MEPCE: variants seen among roughly 807,000 people sequenced by gnomAD.
MEPCE encodes 7SK snRNA methylphosphate capping enzyme.
MEPCE carries 9 observed loss-of-function variants against 52.3 expected under a neutral mutation model. The ratio of observed to expected loss-of-function variants is 0.17; its 90% CI spans 0.10 to 0.30. The LOEUF (loss-of-function observed/expected upper bound fraction) is 0.30, where lower values mean the gene tolerates loss of function less well. Among genes scored for constraint, MEPCE ranks in the 10% least tolerant of loss-of-function variants. MEPCE has a pLI of 1.00. For missense variants in MEPCE, 826 were observed against 933.0 expected, an observed-to-expected ratio of 0.89 and a Z score of 1.49; for synonymous variants, 477 against 401.6, an observed-to-expected ratio of 1.19 and a Z score of -2.25.
rs1798580701 is a variant in MEPCE, at chr7:100,430,196, T to C, written c.178T>C (p.Ser60Pro). 7.7e-7 allele frequency: 1 copy of C among 1,306,394 alleles called. No homozygotes were observed. The highest frequency in any genetic ancestry group is 4.0e-5 in the Admixed American group (1 of 24,992). 80.9% of individuals were successfully genotyped at this position (1,306,394 alleles called of 1,614,324 possible). A position where few individuals can be genotyped will look rare whatever the true frequency, so the allele number is the denominator to read the frequency against. ...GPGRCAPSAG[S>P]PAAAVGRESP... is the part of the protein sequence containing the mutation. ...GGGTCGTTGCGCGCCATCTGCGGGGTCCCCAGCCGCTGCGGTCGGTCGGGA... is the reference window on the plus strand; with the variant it reads ...GGGTCGTTGCGCGCCATCTGCGGGGCCCCCAGCCGCTGCGGTCGGTCGGGA... The change falls in exon 1 of 4, where the codon TCC becomes CCC. Residue 60 changes from serine (S) to proline (P), a missense_variant. Physicochemically the swap from Ser to Pro is moderately conservative, Grantham distance 74. Around this residue, in one of 7 missense-constraint regions of MEPCE, gnomAD observed 314 missense variants for 277.7 expected, o/e 1.13. Transcript: ENST00000310512.
At chr7:100,432,826 G>T in intron 1 of MEPCE, 93 bp from the exon 2 acceptor site, 1 of 1,144,790 alleles carries the variant, frequency 8.7e-7, no homozygotes, top group South Asian at 1.3e-5. Flanking sequence ...CTAAAGTGAG[G>T]CCGCGGGACT....
chr7:100,431,539 G>A lies in MEPCE; in HGVS notation c.1521G>A (p.Gly507=), dbSNP rs542351493. ...LPPQTLEGDP[G]AEGEEGTTTV... Reference sequence around the variant, plus strand: ...CCCAGACTTTGGAAGGGGACCCGGGGGCAGAGGGTGAGGAAGGGACCACCA... The same window carrying A: ...CCCAGACTTTGGAAGGGGACCCGGGAGCAGAGGGTGAGGAAGGGACCACCA... The change falls in exon 1 of 4, where the codon GGG becomes GGA. Residue 507 remains glycine, a synonymous_variant. Transcript: ENST00000310512. 5 of 1,612,964 alleles carry A rather than the reference G, an allele frequency of 3.1e-6. No homozygotes were observed. The African/African-American group carries it at 6.7e-5, about 21-fold the overall frequency.
chr7:100,430,110 C>T lies in MEPCE; in HGVS notation c.92C>T (p.Thr31Met). ...KDESGGGGGP[T>M]VPPHQEAASG... ...GAGTCGGGCGGAGGGGGCGGCCCCA[C>T]GGTGCCACCGCACCAAGAGGCCGCC... is the stretch of plus-strand genomic sequence containing the variant. Residue 31 changes from threonine to methionine, a missense_variant, in exon 1 of 4, where the codon ACG becomes ATG. Physicochemically the swap from Thr to Met is moderately conservative, Grantham distance 81 (BLOSUM62 -1). This residue lies in a region of MEPCE where 314 missense variants were observed against 277.7 expected (regional missense o/e 1.13). Coordinates refer to ENST00000310512, the MANE Select transcript of MEPCE (RefSeq NM_019606.6). 7.9e-7 allele frequency: 1 copy of T among 1,261,332 alleles called. No individual in the cohort carries two copies. Among genetic ancestry groups the T allele is most frequent in the Non-Finnish European group, 1.0e-6 (1 of 1,003,294 alleles). 78.1% of individuals were successfully genotyped at this position (1,261,332 alleles called of 1,614,324 possible).
rs1240937727 is a variant in MEPCE at position 100,433,877 on chromosome 7, C to T, written c.*323C>T. ...GGATATCAAATTCTCTAGCCCTTTC[C>T]TCCTATTCTCCCAAGGAGAGAGATT... On this transcript the variant is annotated 3_prime_UTR_variant, in exon 4 of 4. Coordinates refer to ENST00000310512, the MANE Select transcript of MEPCE (RefSeq NM_019606.6). 1.3e-5 allele frequency: 4 copies of T among 308,626 alleles called. No homozygotes were observed. Among genetic ancestry groups the T allele is most frequent in the Non-Finnish European group, 2.4e-5 (4 of 166,588 alleles). 19.1% of individuals were successfully genotyped at this position (308,626 alleles called of 1,614,324 possible).
At position 100,433,319 on chromosome 7, in the gene MEPCE, C is replaced by G. The variant is rs557179505; in HGVS notation, c.1947C>G (p.Ser649=). Residue 649 remains serine (S), a synonymous_variant, in exon 3 of 4, where the codon TCC becomes TCG. Transcript: ENST00000310512. ...RIQLKPEQFS[S]YLTSPDVGFS... ...AATTGAAGCCAGAGCAGTTCAGTTC[C>G]TACCTGACATCCCCAGACGTGGGCT... 6.2e-7 allele frequency: 1 copy of G among 1,614,204 alleles called. No homozygotes were observed. Among genetic ancestry groups the G allele is most frequent in the South Asian group, 1.1e-5 (1 of 91,088 alleles).
rs1232453667 is a variant in MEPCE, at chr7:100,431,228, G to T, written c.1210G>T (p.Ala404Ser). ...RHHHHHPLPA[A>S]GFKKQQRKFQ... ...CCACCACCACCACCCACTGCCTGCA[G>T]CAGGCTTCAAAAAGCAACAGCGCAA... Residue 404 changes from alanine (A) to serine (S), a missense_variant, in exon 1 of 4, where the codon GCA (alanine) becomes TCA (serine). Ala to Ser is a moderately conservative substitution (Grantham distance 99, BLOSUM62 1). Transcript: ENST00000310512. 2 of 1,614,070 alleles carry T rather than the reference G, an allele frequency of 1.2e-6. No individual in the cohort carries two copies. Among genetic ancestry groups the T allele is most frequent in the Non-Finnish European group, 1.7e-6 (2 of 1,180,028 alleles).
rs1483165911 is a variant in MEPCE, at chr7:100,430,248, C to T, written c.230C>T (p.Ser77Phe). 2.2e-6 allele frequency: 3 copies of T among 1,362,136 alleles called. No homozygotes were observed. Among genetic ancestry groups the T allele is most frequent in the African/African-American group, 1.5e-5 (1 of 65,454 alleles). 84.4% of individuals were successfully genotyped at this position (1,362,136 alleles called of 1,614,324 possible). ...RESPGAAATS[S>F]SGPQAQQHRG... is the part of the protein sequence containing the mutation. Reference sequence around the variant, plus strand: ...AGCCCCGGGGCCGCGGCCACCTCCTCCAGTGGTCCCCAGGCGCAGCAGCAC... The same window carrying T: ...AGCCCCGGGGCCGCGGCCACCTCCTTCAGTGGTCCCCAGGCGCAGCAGCAC... The change falls in exon 1 of 4, where the codon TCC (serine) becomes TTC (phenylalanine). Residue 77 changes from serine (S) to phenylalanine (F), a missense_variant. Ser to Phe is a radical substitution (Grantham distance 155, BLOSUM62 -2). This residue lies in a region of MEPCE where 314 missense variants were observed against 277.7 expected (regional missense o/e 1.13). Coordinates refer to ENST00000310512, the MANE Select transcript of MEPCE (RefSeq NM_019606.6).
In MEPCE at chr7:100,429,956, C is replaced by T. The variant is rs1302661003; in HGVS notation, c.-63C>T. 1.7e-6 allele frequency: 2 copies of T among 1,153,698 alleles called. No individual in the cohort carries two copies. The highest frequency in any genetic ancestry group is 2.2e-6 in the Non-Finnish European group (2 of 914,156). The allele number at this position is 1,153,698 out of a possible 1,614,324, so 71.5% of individuals were successfully genotyped here. A position where few individuals can be genotyped will look rare whatever the true frequency, so the allele number is the denominator to read the frequency against. The stretch of plus-strand genomic sequence containing the variant: ...AGGGGGGAAGGGAGCAGGGTCCAGG[C>T]AGGGGGGGTTAGGCCCCCTGATCCC... On this transcript the variant is annotated 5_prime_UTR_variant, in exon 1 of 4. Coordinates refer to ENST00000310512, the MANE Select transcript of MEPCE (RefSeq NM_019606.6).
chr7:100,431,930 CTT>C (rs1218722168), intron 1 of MEPCE, among the ~76,000 whole-genome samples: 2 of 152,166 alleles, frequency 1.3e-5, no homozygotes, highest in African/African-American at 4.8e-5. Flanking sequence ...GGAGGACTCT[CTT>C]TTTGCTCTGC....
intron 2 of MEPCE, 24 bp from the exon 3 acceptor site, chr7:100,433,239 G>A: frequency 6.2e-7 from 1 of 1,614,114 alleles, no homozygotes. Context: ...GCGTGCTGAA[G>A]TGGTCCCTTG....
rs6962151 is a variant in MEPCE, at chr7:100,430,861, T to C, written c.843T>C (p.Ser281=). 0.19 allele frequency: 304,183 copies of C among 1,607,986 alleles called. 30,343 individuals carry two copies. Among genetic ancestry groups the C allele is most frequent in the African/African-American group, 0.28 (20,814 of 74,708 alleles). ...AGCAGGCAGCCGGAGGGAGTGAGAGTCACCCCGTGCCGCCCACAGCCCCTC... is the reference window on the plus strand; with the variant it reads ...AGCAGGCAGCCGGAGGGAGTGAGAGCCACCCCGTGCCGCCCACAGCCCCTC... The part of the protein sequence containing the change: ...QQQQAAGGSE[S]HPVPPTAPLT... The change falls in exon 1 of 4, where the codon AGT becomes AGC. Residue 281 remains serine, a synonymous_variant. Transcript: ENST00000310512.
At position 100,433,574 on chromosome 7, in the gene MEPCE, G is replaced by T. The variant is rs753611458; in HGVS notation, c.*20G>T. On this transcript the variant is annotated 3_prime_UTR_variant, in exon 4 of 4. Transcript: ENST00000310512. ...CACTAAGTGGCCCCCTAAACAGAAAGTGTGAAGAGGCTGCCCTCGCTGCTC... is the reference window on the plus strand; with the variant it reads ...CACTAAGTGGCCCCCTAAACAGAAATTGTGAAGAGGCTGCCCTCGCTGCTC... 1.2e-6 allele frequency: 2 copies of T among 1,611,584 alleles called. No homozygotes were observed. Among genetic ancestry groups the T allele is most frequent in the South Asian group, 2.2e-5 (2 of 90,952 alleles).
chr7:100,428,900 C>T (rs966427860), upstream of MEPCE: 1 of 152,344 alleles, frequency 6.6e-6, no homozygotes, highest in Admixed American at 6.5e-5. Flanking sequence ...GGTGTGGCGT[C>T]TCCAGGTGAT....
intron 1 of MEPCE, among the ~76,000 whole-genome samples, 174 bp downstream of exon 1, chr7:100,431,863 C>T (rs1798724071): frequency 6.6e-6 from 1 of 152,198 alleles, no homozygotes; most frequent in South Asian, 2.1e-4. Flanking sequence ...GGGGTGTCTA[C>T]CTTGGGGCAT....
rs1166317722 is a variant in MEPCE, at chr7:100,430,441, A to C, written c.423A>C (p.Pro141=). 1.9e-5 allele frequency: 30 copies of C among 1,556,806 alleles called. No individual in the cohort carries two copies. Among genetic ancestry groups the C allele is most frequent in the Non-Finnish European group, 2.6e-5 (30 of 1,154,258 alleles). ...RPRNGYQPHR[P]PGGGGGKRRN... ...GCAATGGCTATCAGCCCCACCGGCC[A>C]CCTGGGGGGGGCGGGGGCAAGAGGA... Residue 141 remains proline, a synonymous_variant, in exon 1 of 4, where the codon CCA becomes CCC. Coordinates refer to ENST00000310512, the MANE Select transcript of MEPCE (RefSeq NM_019606.6).
chr7:100,430,331 G>A lies in MEPCE; in HGVS notation c.313G>A (p.Gly105Arg), dbSNP rs1433995501. The change falls in exon 1 of 4, where the codon GGG becomes AGG. Residue 105 changes from glycine to arginine, a missense_variant. This residue lies in a region of MEPCE where 314 missense variants were observed against 277.7 expected (regional missense o/e 1.13). Coordinates refer to ENST00000310512, the MANE Select transcript of MEPCE (RefSeq NM_019606.6). ...GGAGGCCCGCCTGTCGGATCCCCCG[G>A]GGCGAGCCGCTCCCCCGGACGTGGG... ...HGEARLSDPP[G>R]RAAPPDVGEE... 1.9e-5 allele frequency: 27 copies of A among 1,425,042 alleles called. No homozygotes were observed. The highest frequency in any genetic ancestry group is 2.3e-5 in the Non-Finnish European group (25 of 1,092,780). The allele number at this position is 1,425,042 out of a possible 1,614,324, so 88.3% of individuals were successfully genotyped here.
rs1798784877 is a variant in MEPCE, at chr7:100,433,529, A to G, written c.2045A>G (p.His682Arg). Residue 682 changes from histidine to arginine, a missense_variant, in exon 4 of 4, where the codon CAC (histidine) becomes CGC (arginine). His to Arg is a conservative substitution (Grantham distance 29). Transcript: ENST00000310512. ...TTCCAGCGTCCTGTGTACCTGTTCC[A>G]CAAGGCCCGATCCCCCAGCCACTAA... ...KGFQRPVYLF[H>R]KARSPSH is the part of the protein sequence containing the mutation. 1 of 1,613,424 alleles carries G rather than the reference A, an allele frequency of 6.2e-7. No homozygotes were observed. The highest frequency in any genetic ancestry group is 1.3e-5 in the African/African-American group (1 of 74,978).
upstream of MEPCE, chr7:100,429,632 T>G: frequency 1.1e-5 from 2 of 177,082 alleles, no homozygotes; most frequent in East Asian, 2.8e-4. Flanking sequence ...GGGGGTTATA[T>G]TTAAACTCCC....
rs1798762737 is a variant in MEPCE, at chr7:100,432,910, T to G, written c.1672-9T>G. 2 of 1,613,456 alleles carry G rather than the reference T, an allele frequency of 1.2e-6. No individual in the cohort carries two copies. Among genetic ancestry groups the G allele is most frequent in the Middle Eastern group, 1.7e-4 (1 of 6,060 alleles). ...CTCAGTTGACCTCACTGCCGATTCT[T>G]GCCCTCAGGGTAATTATGTGCTGGA... is the stretch of plus-strand genomic sequence containing the variant. On this transcript the variant is annotated splice_polypyrimidine_tract_variant and intron_variant, in intron 1 of 3. Coordinates refer to ENST00000310512, the MANE Select transcript of MEPCE (RefSeq NM_019606.6).
Sources: gnomAD v4.1 joint callset for allele counts (sites outside exome capture counted in the v4.1 genomes callset) on GRCh38, gnomAD v4.1.1 for gene constraint, gnomAD v4.1.1 regional missense constraint, MANE v1.5 for transcripts, NCBI Gene and HGNC (gene_info 2026-07-23, HGNC 2026-07-21) for gene names.